ATRNL1: variants seen among roughly 807,000 people sequenced by gnomAD.
ATRNL1 encodes attractin-like protein 1.
Under a neutral mutation model 182.7 loss-of-function variants are expected in ATRNL1, and 95 were observed. The observed-to-expected ratio is 0.52, with a 90% confidence interval of 0.44 to 0.62. The LOEUF (loss-of-function observed/expected upper bound fraction) is 0.62, where lower values mean the gene tolerates loss of function less well. Ranked by LOEUF, ATRNL1 falls within the 20% of genes least tolerant of loss-of-function variation. The probability of loss-of-function intolerance (pLI) is 0.00; values close to 1 mark genes in which losing one functional copy is unlikely to be tolerated. For synonymous variants in ATRNL1, 576 were observed against 568.3 expected (o/e 1.01, Z -0.19); for missense variants, 1,471 against 1,679.5 (o/e 0.88, Z 2.17).
intron 26 of ATRNL1, among the ~76,000 whole-genome samples, chr10:115,687,744 A>T (rs782165038): frequency 3.3e-5 from 5 of 152,036 alleles, no homozygotes; most frequent in Non-Finnish European, 5.9e-5. Flanking sequence ...CAAAAATTAT[A>T]TAATGTTCAA....
chr10:115,744,903 A>G (rs1948246060), intron 27 of ATRNL1, among the ~76,000 whole-genome samples: 1 of 152,140 alleles, frequency 6.6e-6, no homozygotes, highest in Non-Finnish European at 1.5e-5. Flanking sequence ...TAATTGTAAA[A>G]TTTTGTAAAA....
chr10:115,647,250 C>G (rs1859690695), intron 26 of ATRNL1, among the ~76,000 whole-genome samples: 1 of 152,088 alleles, frequency 6.6e-6, no homozygotes, highest in Non-Finnish European at 1.5e-5. Context: ...AATAGTGCCA[C>G]AGTAAACATA....
At chr10:115,470,744 G>T (rs540146223) in intron 24 of ATRNL1, among the ~76,000 whole-genome samples, 7 of 150,606 alleles carry the variant, frequency 4.6e-5, no homozygotes, top group African/African-American at 1.7e-4. Flanking sequence ...TAACGAGGTT[G>T]AAATACTCCA....
chr10:115,301,856 TAGTC>T lies in ATRNL1; in HGVS notation c.2632_2635del (p.Ser878GlnfsTer14). 1.9e-6 allele frequency: 3 copies of T among 1,598,692 alleles called. No individual in the cohort carries two copies. Among genetic ancestry groups the T allele is most frequent in the Non-Finnish European group, 2.6e-6 (3 of 1,172,840 alleles). On this transcript the variant is annotated frameshift_variant and splice_region_variant, in exon 17 of 29. Transcript: ENST00000355044. LOFTEE classifies it high-confidence loss of function. ...ATTGTATTTGTTTATTTATTCCAGT[TAGTC>T]CAAATCAAAATGCGAGGCCGTGCAA... is the stretch of plus-strand genomic sequence containing the variant.
intron 11 of ATRNL1, among the ~76,000 whole-genome samples, chr10:115,266,349 T>G (rs1384392200): frequency 6.6e-6 from 1 of 151,906 alleles, no homozygotes; most frequent in Non-Finnish European, 1.5e-5. Flanking sequence ...TGTGTCTATA[T>G]TGAAAAGTTA....
chr10:115,861,407 A>G (rs1189790285), intron 28 of ATRNL1, among the ~76,000 whole-genome samples: 1 of 152,166 alleles, frequency 6.6e-6, no homozygotes, highest in Non-Finnish European at 1.5e-5. Context: ...TTACCTGTGC[A>G]TGTTGGTGCT....
At chr10:115,531,538 A>C (rs1245957371) in intron 25 of ATRNL1, among the ~76,000 whole-genome samples, 22 of 151,062 alleles carry the variant, frequency 1.5e-4, no homozygotes, top group Middle Eastern at 3.4e-3. Context: ...GTCCTTTGTC[A>C]GATGAGTAGG....
At chr10:115,868,822 C>CTTTATTTTTTTTTTTTTTT (rs1951500967) in intron 28 of ATRNL1, among the ~76,000 whole-genome samples, 1 of 58,084 alleles carries the variant, frequency 1.7e-5, no homozygotes, top group Non-Finnish European at 3.2e-5. Context: ...AGTCTTTATT[C>CTTTATTTTTTTTTTTTTTT]TTTTTTTTTT....
chr10:115,278,738 A>G (rs922495272), intron 13 of ATRNL1, among the ~76,000 whole-genome samples: 1 of 152,212 alleles, frequency 6.6e-6, no homozygotes, highest in Non-Finnish European at 1.5e-5. Context: ...CTTAGGCACT[A>G]ATACTACTTT....
rs1404125747 is a variant in ATRNL1, at chr10:115,095,344, AAC to A, written c.293+1305_293+1306del. On this transcript the variant is annotated intron_variant, in intron 1 of 28. Coordinates refer to ENST00000355044, the MANE Select transcript of ATRNL1 (RefSeq NM_207303.4). Reference sequence around the variant, plus strand: ...TCTAGGACAATTTCCTGGAATTTTAAACACAGCATACTTTCCTTTTTTTTTTT... The same window carrying A: ...TCTAGGACAATTTCCTGGAATTTTAAACAGCATACTTTCCTTTTTTTTTTT... Among the ~76,000 whole-genome samples, 18 of 148,860 alleles carry A rather than the reference AAC, an allele frequency of 1.2e-4. No individual in the cohort carries two copies. The Admixed American group carries it at 1.2e-3, about 10-fold the overall frequency.
At chr10:115,791,556 C>G (rs1323611275) in intron 27 of ATRNL1, among the ~76,000 whole-genome samples, 1 of 152,090 alleles carries the variant, frequency 6.6e-6, no homozygotes, top group East Asian at 1.9e-4. Context: ...ATAATACAGA[C>G]TTTAGTCATT....
At chr10:115,131,939 T>G (rs992890334) in intron 5 of ATRNL1, among the ~76,000 whole-genome samples, 11 of 152,188 alleles carry the variant, frequency 7.2e-5, no homozygotes, top group African/African-American at 2.7e-4. Context: ...TATTTTTATT[T>G]TTTTATTATA....
intron 9 of ATRNL1, among the ~76,000 whole-genome samples, chr10:115,226,036 T>G (rs1464308502): frequency 6.6e-6 from 1 of 151,470 alleles, no homozygotes; most frequent in African/African-American, 2.4e-5. Context: ...TCTCATCACT[T>G]ATGATTTTAC....
chr10:115,812,193 A>G (rs1310678525), intron 27 of ATRNL1, among the ~76,000 whole-genome samples: 1 of 152,136 alleles, frequency 6.6e-6, no homozygotes, highest in East Asian at 1.9e-4. Context: ...CGTATGGGCA[A>G]CTATAGTTGG....
At chr10:115,520,978 A>C (rs1554985023) in intron 25 of ATRNL1, among the ~76,000 whole-genome samples, 1 of 152,204 alleles carries the variant, frequency 6.6e-6, no homozygotes, top group Non-Finnish European at 1.5e-5. Context: ...TGTTCCTTAA[A>C]ATGAAATTTG....
At chr10:115,398,553 A>G (rs1306211735) in intron 20 of ATRNL1, among the ~76,000 whole-genome samples, 1 of 151,944 alleles carries the variant, frequency 6.6e-6, no homozygotes, top group South Asian at 2.1e-4. Context: ...ATTTTTGCAC[A>G]TTGTATCCTG....
At chr10:115,341,688 T>A (rs79265597) in intron 19 of ATRNL1, among the ~76,000 whole-genome samples, 3,564 of 152,284 alleles carry the variant, frequency 0.023, 51 homozygotes, top group African/African-American at 0.047. Context: ...TATATCTAGA[T>A]GCTTCATTGT....
At chr10:115,098,583 T>C (rs1243241321) in intron 1 of ATRNL1, among the ~76,000 whole-genome samples, 5 of 144,616 alleles carry the variant, frequency 3.5e-5, no homozygotes, top group African/African-American at 1.3e-4. Flanking sequence ...TGCTTCAGCC[T>C]CCCGAGTAGC....
intron 17 of ATRNL1, among the ~76,000 whole-genome samples, chr10:115,310,931 CT>C (rs1190783655): frequency 6.6e-6 from 1 of 152,062 alleles, no homozygotes; most frequent in Non-Finnish European, 1.5e-5. Flanking sequence ...ATCTTTCAGA[CT>C]TTTTGATGCA....
Sources: gnomAD v4.1 joint callset for allele counts (sites outside exome capture counted in the v4.1 genomes callset) on GRCh38, gnomAD v4.1.1 for gene constraint, MANE v1.5 for transcripts, NCBI Gene and HGNC (gene_info 2026-07-23, HGNC 2026-07-21) for gene names.